Variants in NTF3 observed in about 807,000 individuals in gnomAD.
NTF3 encodes the protein neurotrophin 3.
NTF3 carries 8 observed loss-of-function variants against 26.3 expected under a neutral mutation model. That is an observed-to-expected ratio of 0.30 (90% CI 0.18 to 0.55). The LOEUF is 0.55. Among genes scored for constraint, NTF3 ranks in the 20% least tolerant of loss-of-function variants. NTF3 has a pLI of 0.93. For missense variants in NTF3, 276 were observed against 352.9 expected (o/e 0.78, Z 1.75); for synonymous variants, 154 against 145.5 (o/e 1.06, Z -0.42).
Position 5,494,869 on chromosome 12 carries a change from A to G in NTF3, c.694A>G (p.Thr232Ala). ...TAAACACTGGAACTCTCAGTGCAAA[A>G]CATCCCAAACCTACGTCCGAGCACT... is the stretch of plus-strand genomic sequence containing the variant. ...DDKHWNSQCK[T>A]SQTYVRALTS... The change falls in exon 2 of 2, where the codon ACA becomes GCA. Residue 232 changes from threonine to alanine, a missense_variant. Thr to Ala is a moderately conservative substitution (Grantham distance 58). This residue lies in a region of NTF3 where 52 missense variants were observed against 78.4 expected (regional missense o/e 0.66). Transcript: ENST00000423158. The surrounding 1 kb of genome is among the most constrained non-coding windows in gnomAD (Gnocchi z 8.3). The G allele has an allele frequency of 1.2e-6, 2 of 1,614,144 alleles. No homozygotes were observed. Among genetic ancestry groups the G allele is most frequent in the Non-Finnish European group, 1.7e-6 (2 of 1,180,040 alleles).
chr12:5,431,179 G>C (rs1940082098), upstream of NTF3, among the ~76,000 whole-genome samples: 1 of 152,178 alleles, frequency 6.6e-6, no homozygotes, highest in Admixed American at 6.5e-5. Context: ...ATTACTTTCG[G>C]GGCGCCACGA....
At chr12:5,465,559 C>T (rs1474761753) in intron 1 of NTF3, among the ~76,000 whole-genome samples, 1 of 152,258 alleles carries the variant, frequency 6.6e-6, no homozygotes. Context: ...GCAGTGTGCA[C>T]AGCAGGCATA....
At chr12:5,474,737 A>G (rs900180742) in intron 1 of NTF3, among the ~76,000 whole-genome samples, 2 of 152,222 alleles carry the variant, frequency 1.3e-5, no homozygotes, top group Non-Finnish European at 2.9e-5. Context: ...TTAAGAGTCT[A>G]TTGAAGTAAT....
At chr12:5,476,149 G>C (rs556840443) in intron 1 of NTF3, among the ~76,000 whole-genome samples, 7 of 152,222 alleles carry the variant, frequency 4.6e-5, no homozygotes, top group Admixed American at 2.6e-4. Context: ...GGTTGACCCA[G>C]GGCAGTCCTA....
chr12:5,485,524 G>A lies in NTF3; in HGVS notation c.19-8670G>A, dbSNP rs567208761. Among the ~76,000 whole-genome samples the A allele has an allele frequency of 5.3e-5, 8 of 152,334 alleles. 1 individual carries two copies. In the South Asian group the frequency reaches 1.7e-3, roughly 32 times the overall value. ...TGGGGATAATAATCGTATCCACAAA[G>A]ATTAATTGAGATCATCCATGTGAAG... On this transcript the variant is annotated intron_variant, in intron 1 of 1. Transcript: ENST00000423158.
At chr12:5,449,140 G>C (rs10735050) in intron 1 of NTF3, among the ~76,000 whole-genome samples, 102,476 of 152,110 alleles carry the variant, frequency 0.67, 34,591 homozygotes, top group South Asian at 0.73. Flanking sequence ...ATTGAGGAGA[G>C]CCCTGGATCA....
chr12:5,489,807 C>G (rs1194278864), intron 1 of NTF3, among the ~76,000 whole-genome samples: 1 of 152,166 alleles, frequency 6.6e-6, no homozygotes, highest in Non-Finnish European at 1.5e-5. Context: ...CCACTGTCTA[C>G]CTCAGCTTCC....
chr12:5,468,099 C>T lies in NTF3; in HGVS notation c.19-26095C>T, dbSNP rs1483661419. On this transcript the variant is annotated intron_variant, in intron 1 of 1. Transcript: ENST00000423158. ...CAGGTCCTTTAAATCTGGTTTCAAT[C>T]AACATAATCACAGTCTCTTCGATGC... Among the ~76,000 whole-genome samples, 3 of 152,244 alleles carry T rather than the reference C, an allele frequency of 2.0e-5. No homozygotes were observed. In the East Asian group the frequency reaches 5.8e-4, roughly 29 times the overall value.
intron 1 of NTF3, among the ~76,000 whole-genome samples, chr12:5,467,251 A>G (rs1425503601): frequency 6.6e-6 from 1 of 150,382 alleles, no homozygotes; most frequent in Non-Finnish European, 1.5e-5. Flanking sequence ...AAAAAAAAAA[A>G]AAAAAAAAAA....
In NTF3 at chr12:5,471,047, C is replaced by G. The variant is rs1371234335; in HGVS notation, c.19-23147C>G. On this transcript the variant is annotated intron_variant, in intron 1 of 1. Coordinates refer to ENST00000423158, the MANE Select transcript of NTF3 (RefSeq NM_001102654.2). The stretch of plus-strand genomic sequence containing the variant: ...TTCTGCATTACTGGTCTCCTCTCTT[C>G]TCCCCTACTACTAGATCTTACAATA... Among the ~76,000 whole-genome samples, 8 of 152,222 alleles carry G rather than the reference C, an allele frequency of 5.3e-5. No homozygotes were observed. In the South Asian group the frequency reaches 1.7e-3, roughly 32 times the overall value.
chr12:5,439,428 C>T (rs904413314), intron 1 of NTF3, among the ~76,000 whole-genome samples: 5 of 152,224 alleles, frequency 3.3e-5, no homozygotes, highest in Admixed American at 3.3e-4. Flanking sequence ...TCTGTGATGT[C>T]ATCCAGATGG....
At chr12:5,453,571 C>A (rs1020051959) in intron 1 of NTF3, among the ~76,000 whole-genome samples, 3 of 152,240 alleles carry the variant, frequency 2.0e-5, no homozygotes, top group Non-Finnish European at 4.4e-5. Context: ...TAAAACTGTT[C>A]TCTCTTGCTT....
At chr12:5,490,622 G>A (rs1386471766) in intron 1 of NTF3, among the ~76,000 whole-genome samples, 3 of 152,194 alleles carry the variant, frequency 2.0e-5, no homozygotes, top group African/African-American at 7.2e-5. Context: ...GGTATTGGTG[G>A]CCAAAAAGTG....
intron 1 of NTF3, among the ~76,000 whole-genome samples, chr12:5,454,916 C>T (rs1236851083): frequency 1.3e-5 from 2 of 152,174 alleles, no homozygotes; most frequent in Non-Finnish European, 2.9e-5. Context: ...GGAGTTCTTG[C>T]CCTGGCCCTG....
At chr12:5,454,047 G>T (rs1233600791) in intron 1 of NTF3, among the ~76,000 whole-genome samples, 1 of 152,186 alleles carries the variant, frequency 6.6e-6, no homozygotes, top group African/African-American at 2.4e-5. Context: ...GTCTCCTGGG[G>T]CTGCCGTAAC....
chr12:5,464,972 A>T (rs1940571306), intron 1 of NTF3, among the ~76,000 whole-genome samples: 1 of 152,194 alleles, frequency 6.6e-6, no homozygotes, highest in African/African-American at 2.4e-5. Flanking sequence ...CGTCTTCTTC[A>T]TTCTTCTCTT....
At chr12:5,470,168 C>A (rs988988684) in intron 1 of NTF3, among the ~76,000 whole-genome samples, 17 of 152,212 alleles carry the variant, frequency 1.1e-4, no homozygotes, top group Non-Finnish European at 2.2e-4. Context: ...TCGTGATCCA[C>A]CCGCCTCGGC....
At chr12:5,445,288 ATGTGTGTGTGTATGTG>A (rs1440966758) in intron 1 of NTF3, among the ~76,000 whole-genome samples, 53 of 101,580 alleles carry the variant, frequency 5.2e-4, no homozygotes, top group Middle Eastern at 4.7e-3. Context: ...GGATTAAATG[ATGTGTGTGTGTATGTG>A]TGTGTGTGTG....
Position 5,495,182 on chromosome 12 carries a change from A to G in NTF3, c.*194A>G, listed in dbSNP as rs1940993547. On this transcript the variant is annotated 3_prime_UTR_variant, in exon 2 of 2. Coordinates refer to ENST00000423158, the MANE Select transcript of NTF3 (RefSeq NM_001102654.2). The stretch of plus-strand genomic sequence containing the variant: ...TTCCCTCAGGCCTCTCCCATCTGTT[A>G]AAACTTGTTTTGTGATCCGGCTCTC... 1.6e-6 allele frequency: 1 copy of G among 618,534 alleles called. No individual in the cohort carries two copies. The allele number at this position is 618,534 out of a possible 1,614,324, so 38.3% of individuals were successfully genotyped here.
Sources: allele counts gnomAD v4.1 joint callset (sites outside exome capture counted in the v4.1 genomes callset), GRCh38; gene constraint gnomAD v4.1.1; regional missense constraint gnomAD v4.1.1; non-coding constraint Gnocchi (gnomAD v3.1); transcripts MANE v1.5; gene names NCBI Gene and HGNC (gene_info 2026-07-23, HGNC 2026-07-21).